RIMKLB: variants seen among roughly 807,000 people sequenced by gnomAD.
RIMKLB encodes ribosomal modification protein rimK like family member B.
A neutral mutation model predicts 32.0 loss-of-function variants in RIMKLB; 7 were observed. That is an observed-to-expected ratio of 0.22 (90% CI 0.12 to 0.41). RIMKLB has a LOEUF of 0.41. Ranked by LOEUF, RIMKLB falls within the 10% of genes least tolerant of loss-of-function variation. The pLI, the probability that RIMKLB is intolerant of heterozygous loss-of-function variation, is 1.00. For missense variants in RIMKLB, 289 were observed against 498.7 expected, an observed-to-expected ratio of 0.58 and a Z score of 4.00; for synonymous variants, 172 against 185.1, an observed-to-expected ratio of 0.93 and a Z score of 0.57.
chr12:8,768,468 C>T (rs1458003861), intron 5 of RIMKLB, among the ~76,000 whole-genome samples: 1 of 152,070 alleles, frequency 6.6e-6, no homozygotes, highest in Non-Finnish European at 1.5e-5. Flanking sequence ...AGGGGGTTGC[C>T]TTAGAATGTT....
At chr12:8,690,913 G>T (rs1942713167) in intron 1 of RIMKLB, among the ~76,000 whole-genome samples, 1 of 151,922 alleles carries the variant, frequency 6.6e-6, no homozygotes, top group Non-Finnish European at 1.5e-5. Flanking sequence ...CAGAGCGAGA[G>T]TCCGTCTCAA....
chr12:8,686,252 C>G (rs183201958), intron 1 of RIMKLB, among the ~76,000 whole-genome samples: 17 of 151,426 alleles, frequency 1.1e-4, no homozygotes, highest in Admixed American at 8.5e-4. Context: ...ACCGAGCCCT[C>G]TCCCCCTTCC....
intron 5 of RIMKLB, among the ~76,000 whole-genome samples, chr12:8,770,372 CTGTTTGGAATT>C (rs1950309480): frequency 6.6e-6 from 1 of 152,182 alleles, no homozygotes; most frequent in African/African-American, 2.4e-5. Context: ...TTTAGTTCAT[CTGTTTGGAATT>C]TGTTTTACTG....
chr12:8,682,867 C>T (rs924195296), intron 1 of RIMKLB, among the ~76,000 whole-genome samples: 1 of 150,186 alleles, frequency 6.7e-6, no homozygotes, highest in Non-Finnish European at 1.5e-5. Context: ...TTACTCTGAC[C>T]TCAGGTGATC....
intron 2 of RIMKLB, among the ~76,000 whole-genome samples, chr12:8,732,781 A>G (rs373876033): frequency 1.9e-4 from 29 of 150,756 alleles, no homozygotes; most frequent in Admixed American, 1.1e-3. Context: ...ACACACACAC[A>G]CTCTCTTTAA....
intron 2 of RIMKLB, among the ~76,000 whole-genome samples, chr12:8,722,186 A>G (rs1308067418): frequency 6.6e-6 from 1 of 151,174 alleles, no homozygotes; most frequent in Non-Finnish European, 1.5e-5. Flanking sequence ...TTGAAAGTAG[A>G]AATTACTCCT....
rs1173900331 is a variant in RIMKLB at position 8,756,760 on chromosome 12, C to T, written c.697+2667C>T. Among the ~76,000 whole-genome samples, 3 of 137,542 alleles carry T rather than the reference C, an allele frequency of 2.2e-5. No homozygotes were observed. The East Asian group carries it at 7.1e-4, about 32-fold the overall frequency. 90.2% of individuals were successfully genotyped at this position (137,542 alleles called of 152,430 possible). On this transcript the variant is annotated intron_variant, in intron 5 of 5. Transcript: ENST00000535829. ...AGGCTGAAGTACGGTGGTGTGATCTCAGCTCACTGCAACCTCTGCCTCCCA... is the reference window on the plus strand; with the variant it reads ...AGGCTGAAGTACGGTGGTGTGATCTTAGCTCACTGCAACCTCTGCCTCCCA...
Position 8,773,304 on chromosome 12 carries a change from CTT to C in RIMKLB, c.698-16_698-15del. 1 of 1,556,028 alleles carries C rather than the reference CTT, an allele frequency of 6.4e-7. No individual in the cohort carries two copies. The highest frequency in any genetic ancestry group is 2.3e-5 in the East Asian group (1 of 44,374). Reference sequence around the variant, plus strand: ...GTTTATGATTTTGTTAATTTCCTGTCTTGTTTCTTTTGCCAGGTGGTGTGGGG... The same window carrying C: ...GTTTATGATTTTGTTAATTTCCTGTCGTTTCTTTTGCCAGGTGGTGTGGGG... On this transcript the variant is annotated splice_polypyrimidine_tract_variant and intron_variant, in intron 5 of 5. Transcript: ENST00000535829.
chr12:8,707,348 A>G (rs185408799), intron 1 of RIMKLB, among the ~76,000 whole-genome samples: 113 of 152,336 alleles, frequency 7.4e-4, no homozygotes, highest in Admixed American at 1.5e-3. Flanking sequence ...AGCAGTTTAC[A>G]TAACTCAGGG....
intron 5 of RIMKLB, among the ~76,000 whole-genome samples, chr12:8,771,902 TTTTTGA>T (rs898359804): frequency 2.6e-5 from 4 of 152,172 alleles, no homozygotes; most frequent in African/African-American, 9.7e-5. Flanking sequence ...TTTGTTTTTG[TTTTTGA>T]GATGGAGTCT....
chr12:8,687,463 A>G (rs971086334), intron 1 of RIMKLB, among the ~76,000 whole-genome samples: 18 of 152,162 alleles, frequency 1.2e-4, no homozygotes, highest in African/African-American at 3.9e-4. Flanking sequence ...CTCCAGAGAA[A>G]TGTTACAACT....
At chr12:8,689,451 A>G (rs768777466) in intron 1 of RIMKLB, among the ~76,000 whole-genome samples, 1 of 152,354 alleles carries the variant, frequency 6.6e-6, no homozygotes, top group South Asian at 2.1e-4. Flanking sequence ...CATTTTGCTC[A>G]ATTAATATTT....
chr12:8,770,265 T>C (rs1950302986), intron 5 of RIMKLB, among the ~76,000 whole-genome samples: 2 of 152,208 alleles, frequency 1.3e-5, no homozygotes, highest in African/African-American at 4.8e-5. Context: ...GCCTGGCCTA[T>C]TGTAGCAGTA....
At chr12:8,706,911 T>A (rs139004270) in intron 1 of RIMKLB, among the ~76,000 whole-genome samples, 235 of 152,204 alleles carry the variant, frequency 1.5e-3, no homozygotes, top group African/African-American at 5.4e-3. Context: ...AAACCTGGAT[T>A]CGGATGACAT....
Position 8,776,071 on chromosome 12 carries a change from T to TA in RIMKLB, c.*2288dup. On this transcript the variant is annotated 3_prime_UTR_variant, in exon 6 of 6. Coordinates refer to ENST00000535829, the MANE Select transcript of RIMKLB (RefSeq NM_001297776.2). ...GAGACCATCTGGTTGCCATGTGTAT[T>TA]ATGACACATACACTTTGAATAGTTA... The TA allele has an allele frequency of 1.0e-6, 1 of 982,004 alleles. No individual in the cohort carries two copies. The highest frequency in any genetic ancestry group is 1.2e-6 in the Non-Finnish European group (1 of 826,818). 60.8% of individuals were successfully genotyped at this position (982,004 alleles called of 1,614,324 possible).
At chr12:8,750,834 T>C (rs1389589522) in intron 3 of RIMKLB, among the ~76,000 whole-genome samples, 1 of 152,158 alleles carries the variant, frequency 6.6e-6, no homozygotes, top group African/African-American at 2.4e-5. Context: ...AATATTTTGC[T>C]AATGTATTTC....
intron 2 of RIMKLB, among the ~76,000 whole-genome samples, chr12:8,728,216 T>C (rs1223170406): frequency 6.6e-6 from 1 of 152,242 alleles, no homozygotes; most frequent in Non-Finnish European, 1.5e-5. Flanking sequence ...CCACTCCTGC[T>C]ACATCTGTCT....
the RIMKLB span, among the ~76,000 whole-genome samples, chr12:8,669,895 C>T: frequency 5.3e-5 from 8 of 151,668 alleles, no homozygotes; most frequent in East Asian, 5.8e-4. Flanking sequence ...GGCGTGGTGG[C>T]GGGTGCCTGT....
In RIMKLB at chr12:8,776,310, T is replaced by TTAAAAACTTAGTTTTTAACTATCTTAG; in HGVS notation, c.*2527_*2528insAAAAACTTAGTTTTTAACTATCTTAGT. 1.1e-6 allele frequency: 1 copy of TTAAAAACTTAGTTTTTAACTATCTTAG among 946,622 alleles called. No individual in the cohort carries two copies. The highest frequency in any genetic ancestry group is 1.3e-6 in the Non-Finnish European group (1 of 795,176). 58.6% of individuals were successfully genotyped at this position (946,622 alleles called of 1,614,324 possible). A position where few individuals can be genotyped will look rare whatever the true frequency, so the allele number is the denominator to read the frequency against. On this transcript the variant is annotated 3_prime_UTR_variant, in exon 6 of 6. Coordinates refer to ENST00000535829, the MANE Select transcript of RIMKLB (RefSeq NM_001297776.2). ...GAAAAGAGCAGTAGTTATCTTAGAT[T>TTAAAAACTTAGTTTTTAACTATCTTAG]TTAAAAACATGGATATCTTCTTGAA... is the stretch of plus-strand genomic sequence containing the variant.
Sources: allele counts gnomAD v4.1 joint callset (sites outside exome capture counted in the v4.1 genomes callset), GRCh38; gene constraint gnomAD v4.1.1; transcripts MANE v1.5; gene names NCBI Gene and HGNC (gene_info 2026-07-23, HGNC 2026-07-21).